TMEM178B: variants seen among roughly 807,000 people sequenced by gnomAD.
The protein encoded by TMEM178B is transmembrane protein 178B.
Under a neutral mutation model 31.0 loss-of-function variants are expected in TMEM178B, and 5 were observed. The ratio of observed to expected loss-of-function variants is 0.16; its 90% CI spans 0.08 to 0.34. TMEM178B has a LOEUF of 0.34. TMEM178B is among the 10% of genes least tolerant of loss of function. TMEM178B has a pLI of 1.00. For synonymous variants in TMEM178B, 164 were observed against 164.0 expected, an observed-to-expected ratio of 1.00 and a Z score of 0.00; for missense variants, 275 against 400.3, an observed-to-expected ratio of 0.69 and a Z score of 2.67.
In TMEM178B at chr7:141,190,002, T is replaced by G. The variant is rs553959109; in HGVS notation, c.383-22589T>G. 5.9e-5 allele frequency among the ~76,000 whole-genome samples: 9 copies of G among 152,318 alleles called. No homozygotes were observed. In the East Asian group the frequency reaches 1.7e-3, roughly 29 times the overall value. On this transcript the variant is annotated intron_variant, in intron 1 of 3. Transcript: ENST00000565468. ...CTTTTTTATGATTTTAACTTCACCT[T>G]GTTTTGTTTTTTAGCATTATAATCA...
At chr7:141,401,584 T>TA (rs961643120) in intron 2 of TMEM178B, among the ~76,000 whole-genome samples, 4 of 150,838 alleles carry the variant, frequency 2.7e-5, no homozygotes, top group African/African-American at 9.9e-5. Context: ...CCCAGCTATT[T>TA]TTTTATTTTT....
At chr7:141,366,232 G>A (rs1167738942) in intron 2 of TMEM178B, among the ~76,000 whole-genome samples, 3 of 152,210 alleles carry the variant, frequency 2.0e-5, no homozygotes, top group African/African-American at 4.8e-5. Flanking sequence ...AGAGCCTGCT[G>A]ATGGGATCCT....
chr7:141,426,903 C>A (rs1801328128), intron 2 of TMEM178B, among the ~76,000 whole-genome samples: 1 of 151,898 alleles, frequency 6.6e-6, no homozygotes, highest in Non-Finnish European at 1.5e-5. Flanking sequence ...ATACAAAAAC[C>A]AGTAGCATTT....
intron 3 of TMEM178B, among the ~76,000 whole-genome samples, chr7:141,469,323 T>G (rs145881652): frequency 0.016 from 2,493 of 152,278 alleles, 73 homozygotes; most frequent in African/African-American, 0.054. Flanking sequence ...TAATACTTAT[T>G]TTAGGGTCAA....
chr7:141,161,972 G>T (rs75070949), intron 1 of TMEM178B, among the ~76,000 whole-genome samples: 2 of 151,946 alleles, frequency 1.3e-5, no homozygotes, highest in East Asian at 3.9e-4. Context: ...GAGTGTGTGT[G>T]TCTGTGTGCA....
chr7:141,383,973 G>A (rs1254602972), intron 2 of TMEM178B, among the ~76,000 whole-genome samples: 1 of 152,188 alleles, frequency 6.6e-6, no homozygotes, highest in Non-Finnish European at 1.5e-5. Flanking sequence ...GGCCAGTGAT[G>A]ATGAACATTT....
intron 1 of TMEM178B, among the ~76,000 whole-genome samples, chr7:141,146,218 CAG>C (rs1461843312): frequency 6.6e-6 from 1 of 152,068 alleles, no homozygotes; most frequent in Non-Finnish European, 1.5e-5. Context: ...GATTTGAGTA[CAG>C]AGTTAGGATT....
intron 2 of TMEM178B, among the ~76,000 whole-genome samples, chr7:141,278,080 A>G (rs1302068776): frequency 2.0e-5 from 3 of 152,224 alleles, no homozygotes; most frequent in Non-Finnish European, 2.9e-5. Context: ...ATACCAATGA[A>G]GAAATTCAGA....
intron 2 of TMEM178B, among the ~76,000 whole-genome samples, chr7:141,330,435 T>C (rs1799278886): frequency 6.6e-6 from 1 of 152,210 alleles, no homozygotes; most frequent in Non-Finnish European, 1.5e-5. Context: ...TCCATCCATG[T>C]TCCTGCAAAG....
intron 2 of TMEM178B, among the ~76,000 whole-genome samples, chr7:141,292,127 C>T (rs763753837): frequency 2.6e-4 from 39 of 152,112 alleles, no homozygotes; most frequent in Non-Finnish European, 5.1e-4. Flanking sequence ...GACTGCAGGT[C>T]GCTAATGTTT....
chr7:141,296,035 AC>A (rs1378061137), intron 2 of TMEM178B, among the ~76,000 whole-genome samples: 1 of 150,904 alleles, frequency 6.6e-6, no homozygotes, highest in Non-Finnish European at 1.5e-5. Flanking sequence ...ATGCAACAAA[AC>A]CCTAAATGTT....
intron 1 of TMEM178B, among the ~76,000 whole-genome samples, chr7:141,116,267 G>A (rs1795317097): frequency 6.6e-6 from 1 of 152,168 alleles, no homozygotes; most frequent in Admixed American, 6.5e-5. Flanking sequence ...AGCAAAGGTG[G>A]GTGCAGACAC....
At chr7:141,455,945 T>C (rs1801953998) in intron 3 of TMEM178B, among the ~76,000 whole-genome samples, 1 of 152,210 alleles carries the variant, frequency 6.6e-6, no homozygotes, top group Non-Finnish European at 1.5e-5. Flanking sequence ...TTGGCTTGAA[T>C]CAGATAGGGC....
intron 1 of TMEM178B, among the ~76,000 whole-genome samples, chr7:141,165,225 G>T (rs1323206756): frequency 6.6e-6 from 1 of 151,880 alleles, no homozygotes; most frequent in Non-Finnish European, 1.5e-5. Context: ...TGGATCCCAC[G>T]TTGCATGTAA....
chr7:141,286,747 C>G (rs1204558945), intron 2 of TMEM178B, among the ~76,000 whole-genome samples: 4 of 152,140 alleles, frequency 2.6e-5, no homozygotes, highest in Non-Finnish European at 5.9e-5. Flanking sequence ...GTGGAGAGTC[C>G]TCCAGAGTTT....
At chr7:141,229,607 C>A (rs1241076213) in intron 2 of TMEM178B, among the ~76,000 whole-genome samples, 1 of 151,838 alleles carries the variant, frequency 6.6e-6, no homozygotes, top group Non-Finnish European at 1.5e-5. Context: ...CAGAAACAAC[C>A]ACTTGAAATG....
intron 2 of TMEM178B, among the ~76,000 whole-genome samples, chr7:141,243,532 CAG>C (rs1797677672): frequency 6.6e-6 from 1 of 152,002 alleles, no homozygotes; most frequent in African/African-American, 2.4e-5. Context: ...GGAAGGGGAG[CAG>C]AGGGGAGTGA....
intron 1 of TMEM178B, among the ~76,000 whole-genome samples, chr7:141,141,646 T>C (rs1795770003): frequency 6.6e-6 from 1 of 152,192 alleles, no homozygotes; most frequent in Non-Finnish European, 1.5e-5. Flanking sequence ...TCAATCAACA[T>C]TTGTTGAAGG....
chr7:141,424,625 C>G (rs560361716), intron 2 of TMEM178B, among the ~76,000 whole-genome samples: 1 of 152,218 alleles, frequency 6.6e-6, no homozygotes, highest in South Asian at 2.1e-4. Flanking sequence ...AGTAACACAT[C>G]CTTATTGTAG....
Sources: gnomAD v4.1 joint callset for allele counts (sites outside exome capture counted in the v4.1 genomes callset) on GRCh38, gnomAD v4.1.1 for gene constraint, MANE v1.5 for transcripts, NCBI Gene and HGNC (gene_info 2026-07-23, HGNC 2026-07-21) for gene names.